The following SNX29 variants were observed in gnomAD, a reference collection of about 807,000 sequenced individuals.
SNX29 encodes sorting nexin 29.
Under a neutral mutation model 102.1 loss-of-function variants are expected in SNX29, and 78 were observed. The ratio of observed to expected loss-of-function variants is 0.76; its 90% CI spans 0.64 to 0.92. SNX29 has a LOEUF of 0.92. SNX29 is among the 40% of genes least tolerant of loss of function. The pLI is 0.00. For synonymous variants in SNX29, 580 were observed against 414.5 expected (o/e 1.40, Z -4.85); for missense variants, 1,280 against 1,061.7 (o/e 1.21, Z -2.86).
At chr16:12,199,521 C>A in intron 13 of SNX29, 80 bp from the exon 14 acceptor site, 1 of 1,221,422 alleles carries the variant, frequency 8.2e-7, no homozygotes, top group Non-Finnish European at 1.2e-6. Context: ...CACAAATTCA[C>A]CACCCACCCC....
chr16:12,106,756 C>A (rs2053268954), intron 11 of SNX29, among the ~76,000 whole-genome samples: 1 of 151,408 alleles, frequency 6.6e-6, no homozygotes, highest in Non-Finnish European at 1.5e-5. Context: ...GCTGGGAGTA[C>A]ACGTGTGAGC....
chr16:12,117,197 C>T (rs958598662), intron 11 of SNX29, among the ~76,000 whole-genome samples: 12 of 138,922 alleles, frequency 8.6e-5, no homozygotes, highest in African/African-American at 3.3e-4. Context: ...TGCTTCAACG[C>T]GGATGAACCG....
intron 11 of SNX29, among the ~76,000 whole-genome samples, chr16:12,107,722 C>T (rs1221176048): frequency 1.3e-5 from 2 of 152,016 alleles, no homozygotes; most frequent in Admixed American, 6.6e-5. Flanking sequence ...TGGTGGGCAC[C>T]GTGGATGTGA....
intron 15 of SNX29, among the ~76,000 whole-genome samples, chr16:12,350,137 T>C (rs1413983058): frequency 6.6e-6 from 1 of 152,224 alleles, no homozygotes; most frequent in Non-Finnish European, 1.5e-5. Flanking sequence ...TGTGTGGCAC[T>C]TGCTGTGTCA....
intron 9 of SNX29, among the ~76,000 whole-genome samples, chr16:12,063,300 CT>C (rs1356728889): frequency 6.8e-6 from 1 of 148,000 alleles, no homozygotes; most frequent in African/African-American, 2.5e-5. Flanking sequence ...GTGCTGTCAT[CT>C]TTCTTATGTG....
At chr16:12,448,155 G>C (rs2086146540) in intron 18 of SNX29, among the ~76,000 whole-genome samples, 1 of 152,186 alleles carries the variant, frequency 6.6e-6, no homozygotes, top group East Asian at 1.9e-4. Flanking sequence ...GAGGGGTTAA[G>C]CAAGGTGACC....
chr16:12,161,587 G>C (rs558358193), intron 13 of SNX29, among the ~76,000 whole-genome samples: 1 of 152,286 alleles, frequency 6.6e-6, no homozygotes, highest in South Asian at 2.1e-4. Context: ...CAAATCTTAC[G>C]TTAAAATGTG....
At chr16:12,148,921 C>T (rs932646131) in intron 13 of SNX29, among the ~76,000 whole-genome samples, 1 of 151,944 alleles carries the variant, frequency 6.6e-6, no homozygotes, top group Non-Finnish European at 1.5e-5. Context: ...AGGCTGGTCT[C>T]GAACTCCTGA....
intron 15 of SNX29, among the ~76,000 whole-genome samples, chr16:12,307,416 C>A (rs561819774): frequency 7.2e-5 from 11 of 152,122 alleles, no homozygotes; most frequent in Non-Finnish European, 1.0e-4. Flanking sequence ...GAGGTGATGT[C>A]ACTAACATCA....
At chr16:12,003,183 A>G in intron 3 of SNX29, 140 bp downstream of exon 3, 1 of 986,296 alleles carries the variant, frequency 1.0e-6, no homozygotes, top group Non-Finnish European at 1.6e-6. Flanking sequence ...TCTGCAGCCA[A>G]GAGGTGCAGC....
chr16:12,148,474 A>G (rs1405815499), intron 13 of SNX29, among the ~76,000 whole-genome samples: 1 of 152,132 alleles, frequency 6.6e-6, no homozygotes, highest in Non-Finnish European at 1.5e-5. Flanking sequence ...GCTACATCTT[A>G]GTAGATCTTG....
At chr16:12,490,440 C>G (rs758259291) in intron 19 of SNX29, among the ~76,000 whole-genome samples, 9 of 152,194 alleles carry the variant, frequency 5.9e-5, no homozygotes, top group African/African-American at 9.7e-5. Context: ...GTTTATTTAT[C>G]TTTTACTATT....
chr16:12,043,161 A>T, intron 5 of SNX29, 84 bp downstream of exon 5: 1 of 1,536,702 alleles, frequency 6.5e-7, no homozygotes, highest in South Asian at 1.2e-5. Flanking sequence ...CTGGATTTTC[A>T]TCCTAGTTCC....
chr16:12,456,278 T>C (rs909915340), intron 18 of SNX29, among the ~76,000 whole-genome samples: 3 of 152,232 alleles, frequency 2.0e-5, no homozygotes, highest in Admixed American at 2.0e-4. Flanking sequence ...AGTCTTGATA[T>C]GTACCACAGA....
Position 12,562,337 on chromosome 16 carries a change from C to A in SNX29, c.2319-6169C>A, listed in dbSNP as rs143538064. 2.8e-3 allele frequency among the ~76,000 whole-genome samples: 426 copies of A among 152,164 alleles called. 5 individuals carry two copies. The highest frequency in any genetic ancestry group is 9.5e-3 in the African/African-American group (393 of 41,468). On this transcript the variant is annotated intron_variant, in intron 20 of 20. Transcript: ENST00000566228. The stretch of plus-strand genomic sequence containing the variant: ...GTCCCAAGAACCTGCAGGGCAGATT[C>A]TGTGATTTCCCCCTTTATTTTTGCT...
chr16:12,514,789 G>A (rs375038933), intron 19 of SNX29, among the ~76,000 whole-genome samples: 2 of 151,984 alleles, frequency 1.3e-5, no homozygotes, highest in Admixed American at 6.6e-5. Context: ...CACTTGAACC[G>A]GGGAGGTGGA....
Position 12,096,734 on chromosome 16 carries a change from C to T in SNX29, c.1402+17819C>T, listed in dbSNP as rs141910001. On this transcript the variant is annotated intron_variant, in intron 11 of 20. Transcript: ENST00000566228. This position sits in a 1 kb window ranked among gnomAD's most constrained non-coding sequence, Gnocchi z 4.2. ...GATCCACCCATGGGAACGAGTTCCC[C>T]GTGAAGTGGGAAATTCCTAATGGAA... Among the ~76,000 whole-genome samples, 435 of 152,308 alleles carry T rather than the reference C, an allele frequency of 2.9e-3. 2 individuals are homozygous for T. Among genetic ancestry groups the T allele is most frequent in the African/African-American group, 0.01 (418 of 41,550 alleles).
chr16:12,357,398 ACAGT>A lies in SNX29; in HGVS notation c.1899+1124_1899+1127del, dbSNP rs549255703. On this transcript the variant is annotated intron_variant, in intron 16 of 20. Transcript: ENST00000566228. The stretch of plus-strand genomic sequence containing the variant: ...TTACCAGTAATTGCTTTGTGTCATC[ACAGT>A]CAGTGTTCAAATTTCCAATTGCCTC... Among the ~76,000 whole-genome samples the A allele has an allele frequency of 1.4e-4, 22 of 152,346 alleles. No homozygotes were observed. In the East Asian group the frequency reaches 4.2e-3, roughly 29 times the overall value.
intron 16 of SNX29, among the ~76,000 whole-genome samples, chr16:12,380,802 A>T: frequency 1.5e-5 from 1 of 67,700 alleles, no homozygotes; most frequent in African/African-American, 5.4e-5. Context: ...CCCACACACC[A>T]TCCATCCATC....
Sources: allele counts gnomAD v4.1 joint callset (sites outside exome capture counted in the v4.1 genomes callset), GRCh38; gene constraint gnomAD v4.1.1; non-coding constraint Gnocchi (gnomAD v3.1); transcripts MANE v1.5; gene names NCBI Gene and HGNC (gene_info 2026-07-23, HGNC 2026-07-21).